SIN3A: variants seen among roughly 807,000 people sequenced by gnomAD.
SIN3A encodes SIN3 transcription regulator family member A, also known as paired amphipathic helix protein Sin3a.
In SIN3A, 14 loss-of-function variants were observed where a neutral mutation model predicts 146.1. The ratio of observed to expected loss-of-function variants is 0.10; its 90% CI spans 0.06 to 0.15. SIN3A has a LOEUF of 0.15. Ranked by LOEUF, SIN3A falls within the 10% of genes least tolerant of loss-of-function variation. The pLI, the probability that SIN3A is intolerant of heterozygous loss-of-function variation, is 1.00. For missense variants in SIN3A, 1,028 were observed against 1,576.0 expected, an observed-to-expected ratio of 0.65 and a Z score of 5.89; for synonymous variants, 572 against 572.0, an observed-to-expected ratio of 1.00 and a Z score of 0.00.
At chr15:75,372,551 G>C (rs1324011104) in intron 20 of SIN3A, among the ~76,000 whole-genome samples, 2 of 152,162 alleles carry the variant, frequency 1.3e-5, no homozygotes, top group Non-Finnish European at 2.9e-5. Context: ...ACCAGGTGCA[G>C]TGACTCATGC....
chr15:75,450,175 G>A (rs1358946748), intron 1 of SIN3A, among the ~76,000 whole-genome samples: 5 of 150,804 alleles, frequency 3.3e-5, no homozygotes, highest in Non-Finnish European at 4.4e-5. Flanking sequence ...CAAAGTCTGA[G>A]TTCTTAAAAA....
chr15:75,413,071 A>G, intron 4 of SIN3A, 26 bp from the exon 5 acceptor site: 4 of 1,580,626 alleles, frequency 2.5e-6, no homozygotes, highest in East Asian at 2.3e-5. Flanking sequence ...AAGAAAAGTG[A>G]TAAACTGTAA....
intron 1 of SIN3A, among the ~76,000 whole-genome samples, chr15:75,435,773 T>C (rs1299393021): frequency 1.3e-5 from 2 of 151,598 alleles, no homozygotes; most frequent in African/African-American, 2.4e-5. Context: ...TATGTATATA[T>C]ACACATACAA....
intron 19 of SIN3A, among the ~76,000 whole-genome samples, chr15:75,379,452 C>T (rs531652871): frequency 5.3e-5 from 8 of 152,302 alleles, no homozygotes; most frequent in Non-Finnish European, 8.8e-5. Flanking sequence ...ATATCAATTT[C>T]CTTTTCCTCA....
At chr15:75,403,028 G>T (rs2073440114) in intron 9 of SIN3A, among the ~76,000 whole-genome samples, 1 of 152,196 alleles carries the variant, frequency 6.6e-6, no homozygotes, top group Non-Finnish European at 1.5e-5. Flanking sequence ...ACTGGGATGG[G>T]TGGGAATATA....
At chr15:75,406,484 G>A (rs913048084) in intron 9 of SIN3A, among the ~76,000 whole-genome samples, 1 of 152,162 alleles carries the variant, frequency 6.6e-6, no homozygotes, top group African/African-American at 2.4e-5. Flanking sequence ...TCAGGAGATC[G>A]AGACCATCCT....
intron 9 of SIN3A, among the ~76,000 whole-genome samples, chr15:75,405,587 C>A (rs550762270): frequency 6.6e-6 from 1 of 151,888 alleles, no homozygotes; most frequent in East Asian, 1.9e-4. Flanking sequence ...CCTGTCTCTA[C>A]TAAAAATGAA....
In SIN3A at chr15:75,414,721, C is replaced by T. The variant is rs992181636; in HGVS notation, c.367-410G>A. Among the ~76,000 whole-genome samples the T allele has an allele frequency of 3.3e-5, 5 of 152,116 alleles. No homozygotes were observed. In the South Asian group the frequency reaches 8.3e-4, roughly 25 times the overall value. Reference sequence around the variant, plus strand: ...CAGGAATCATAACACAGTGGGTAACCCGGTAATCACTCCATGCCTGGAGAT... The same window carrying T: ...CAGGAATCATAACACAGTGGGTAACTCGGTAATCACTCCATGCCTGGAGAT... On this transcript the variant is annotated intron_variant, in intron 3 of 20. Coordinates refer to ENST00000394947, the MANE Select transcript of SIN3A (RefSeq NM_001145358.2).
intron 1 of SIN3A, among the ~76,000 whole-genome samples, chr15:75,435,590 C>T (rs2074093050): frequency 6.6e-6 from 1 of 151,108 alleles, no homozygotes; most frequent in African/African-American, 2.4e-5. Context: ...CCCAGTTACT[C>T]AGGAGGCTGA....
intron 16 of SIN3A, among the ~76,000 whole-genome samples, chr15:75,386,716 G>C (rs2073090019): frequency 6.6e-6 from 1 of 152,198 alleles, no homozygotes; most frequent in Non-Finnish European, 1.5e-5. Context: ...TCACCTCCCA[G>C]CCCAATCCTT....
chr15:75,451,080 C>T (rs1279127566), intron 1 of SIN3A, among the ~76,000 whole-genome samples: 1 of 151,400 alleles, frequency 6.6e-6, no homozygotes. Context: ...CCCCGCCCAC[C>T]CCAGGAGGAG....
intron 15 of SIN3A, among the ~76,000 whole-genome samples, chr15:75,390,366 T>A (rs2073177089): frequency 6.6e-6 from 1 of 152,224 alleles, no homozygotes; most frequent in Non-Finnish European, 1.5e-5. Context: ...TTTGTCAAAG[T>A]CCTTTTGTTT....
intron 20 of SIN3A, among the ~76,000 whole-genome samples, chr15:75,373,610 G>T (rs1487971892): frequency 6.6e-6 from 1 of 151,834 alleles, no homozygotes; most frequent in Non-Finnish European, 1.5e-5. Context: ...TTACTTTATT[G>T]TAAGAATATA....
At chr15:75,438,123 G>A (rs536952369) in intron 1 of SIN3A, among the ~76,000 whole-genome samples, 2 of 152,348 alleles carry the variant, frequency 1.3e-5, no homozygotes, top group East Asian at 3.9e-4. Flanking sequence ...CACTGTGGGA[G>A]GCTGAGGCAG....
At chr15:75,441,182 T>C (rs1365432402) in intron 1 of SIN3A, among the ~76,000 whole-genome samples, 1 of 151,830 alleles carries the variant, frequency 6.6e-6, no homozygotes, top group Non-Finnish European at 1.5e-5. Context: ...TGGTGGCGTG[T>C]GCCTATAATC....
rs2072742077 is a variant in SIN3A, at chr15:75,371,022, T to TAC, written c.*955_*956dup. 6.6e-6 allele frequency: 1 copy of TAC among 151,412 alleles called. No homozygotes were observed. Among genetic ancestry groups the TAC allele is most frequent in the South Asian group, 2.1e-4 (1 of 4,802 alleles). 9.4% of individuals were successfully genotyped at this position (151,412 alleles called of 1,614,324 possible). ...GAAGACAAGTTTTACACAAAAGTAC[T>TAC]ACAATGGTAACTCCCTTTGGTAAAA... On this transcript the variant is annotated 3_prime_UTR_variant, in exon 21 of 21. Transcript: ENST00000394947.
intron 1 of SIN3A, among the ~76,000 whole-genome samples, chr15:75,449,475 T>C (rs2074362677): frequency 6.6e-6 from 1 of 152,174 alleles, no homozygotes; most frequent in South Asian, 2.1e-4. Flanking sequence ...TTTCTCTCAA[T>C]AGGAAAAGAT....
chr15:75,411,751 G>A lies in SIN3A; in HGVS notation c.757-8C>T. 1 of 1,572,666 alleles carries A rather than the reference G, an allele frequency of 6.4e-7. No individual in the cohort carries two copies. The highest frequency in any genetic ancestry group is 8.6e-7 in the Non-Finnish European group (1 of 1,159,898). ...TGCTTGCAGTTGGGAGGGCTAGAAAGAAAAGAAATCTTTATTCTCTTCAGA... is the reference window on the plus strand; with the variant it reads ...TGCTTGCAGTTGGGAGGGCTAGAAAAAAAAGAAATCTTTATTCTCTTCAGA... On this transcript the variant is annotated splice_region_variant and splice_polypyrimidine_tract_variant and intron_variant, in intron 5 of 20. Transcript: ENST00000394947.
chr15:75,394,538 A>G (rs1242070931), intron 14 of SIN3A, 142 bp downstream of exon 14: 4 of 595,918 alleles, frequency 6.7e-6, no homozygotes, highest in African/African-American at 5.6e-5. Flanking sequence ...TGAGGAATAG[A>G]AAAGGCTATG....
Sources: allele counts gnomAD v4.1 joint callset (sites outside exome capture counted in the v4.1 genomes callset), GRCh38; gene constraint gnomAD v4.1.1; transcripts MANE v1.5; gene names NCBI Gene and HGNC (gene_info 2026-07-23, HGNC 2026-07-21).